Variants in TMEM132D observed in about 807,000 individuals in gnomAD.
TMEM132D encodes the protein mature OL transmembrane protein.
Under a neutral mutation model 62.3 loss-of-function variants are expected in TMEM132D, and 21 were observed. That is an observed-to-expected ratio of 0.34 (90% confidence interval 0.24 to 0.49). The LOEUF (loss-of-function observed/expected upper bound fraction) is 0.49. Among genes scored for constraint, TMEM132D ranks in the 20% least tolerant of loss-of-function variants. The pLI is 0.99. For missense variants in TMEM132D, 1,346 were observed against 1,402.8 expected (o/e 0.96, Z 0.65); for synonymous variants, 621 against 575.6 (o/e 1.08, Z -1.13).
chr12:129,824,006 C>G (rs1415173804), intron 1 of TMEM132D, among the ~76,000 whole-genome samples: 2 of 152,102 alleles, frequency 1.3e-5, no homozygotes, highest in Non-Finnish European at 2.9e-5. Context: ...GAAGTCATCC[C>G]ATCCTATGAC....
intron 5 of TMEM132D, among the ~76,000 whole-genome samples, chr12:129,165,285 G>C (rs1463811555): frequency 6.6e-6 from 1 of 152,146 alleles, no homozygotes; most frequent in Non-Finnish European, 1.5e-5. Flanking sequence ...ATGACTGTTT[G>C]GGTTGCAAAG....
At chr12:129,112,736 C>T (rs1415588205) in intron 5 of TMEM132D, among the ~76,000 whole-genome samples, 1 of 152,206 alleles carries the variant, frequency 6.6e-6, no homozygotes, top group Non-Finnish European at 1.5e-5. Flanking sequence ...ACTAGGAGTG[C>T]TCAGAAGCCA....
chr12:129,325,378 G>A (rs532364928), intron 4 of TMEM132D, among the ~76,000 whole-genome samples: 1 of 152,276 alleles, frequency 6.6e-6, no homozygotes, highest in South Asian at 2.1e-4. Context: ...TTACTGTTGA[G>A]GCTGGATTTT....
At chr12:129,573,111 G>A (rs1386091524) in intron 2 of TMEM132D, among the ~76,000 whole-genome samples, 3 of 152,182 alleles carry the variant, frequency 2.0e-5, no homozygotes, top group Non-Finnish European at 4.4e-5. Flanking sequence ...GTGTCGTGGT[G>A]CTAGGTGACT....
intron 1 of TMEM132D, among the ~76,000 whole-genome samples, chr12:129,734,614 T>G (rs1366507603): frequency 1.3e-5 from 2 of 152,118 alleles, no homozygotes; most frequent in Non-Finnish European, 2.9e-5. Context: ...CCAACTGAGG[T>G]CTTATATTAG....
At chr12:129,209,708 G>T (rs74569482) in intron 4 of TMEM132D, 45 bp from the exon 5 acceptor site, 2 of 1,608,628 alleles carry the variant, frequency 1.2e-6, no homozygotes, top group African/African-American at 2.7e-5. Flanking sequence ...CTCCTGAGAC[G>T]GCCCAGTCCC....
At chr12:129,559,546 T>C (rs1461244580) in intron 2 of TMEM132D, among the ~76,000 whole-genome samples, 1 of 152,210 alleles carries the variant, frequency 6.6e-6, no homozygotes, top group African/African-American at 2.4e-5. Context: ...TGTAATATTT[T>C]ACGTGTGTGA....
At chr12:129,214,551 A>C (rs559170913) in intron 4 of TMEM132D, among the ~76,000 whole-genome samples, 2 of 152,316 alleles carry the variant, frequency 1.3e-5, no homozygotes, top group Admixed American at 1.3e-4. Flanking sequence ...GCCTGAATAA[A>C]ATGACTATAG....
At position 129,409,863 on chromosome 12, in the gene TMEM132D, C is replaced by A. The variant is rs1002325; in HGVS notation, c.1116-72046G>T. On this transcript the variant is annotated intron_variant, in intron 3 of 8. Transcript: ENST00000422113. ...GCTGCATCATGCTTGCATGAGAAAG[C>A]TGTTCCATGTCTGCACACGTGCAGA... is the stretch of plus-strand genomic sequence containing the variant. Among the ~76,000 whole-genome samples, 980 of 152,348 alleles carry A rather than the reference C, an allele frequency of 6.4e-3. 56 individuals carry two copies. In the South Asian group the frequency reaches 0.13, roughly 21 times the overall value.
chr12:129,076,441 A>G (rs576736536), intron 8 of TMEM132D, among the ~76,000 whole-genome samples: 1 of 152,194 alleles, frequency 6.6e-6, no homozygotes, highest in East Asian at 1.9e-4. Context: ...GCCCCTGACC[A>G]TGACAGAAGT....
At chr12:129,515,534 T>G (rs576468262) in intron 3 of TMEM132D, among the ~76,000 whole-genome samples, 4 of 152,246 alleles carry the variant, frequency 2.6e-5, no homozygotes, top group African/African-American at 4.8e-5. Context: ...CTTTGGCGAT[T>G]GGGAATACTG....
intron 1 of TMEM132D, among the ~76,000 whole-genome samples, chr12:129,729,576 A>C (rs1869154290): frequency 6.6e-6 from 1 of 152,054 alleles, no homozygotes; most frequent in Non-Finnish European, 1.5e-5. Context: ...TCCAGCTCTG[A>C]GTCTGCGACA....
At chr12:129,150,761 T>G (rs1226045273) in intron 5 of TMEM132D, among the ~76,000 whole-genome samples, 1 of 152,262 alleles carries the variant, frequency 6.6e-6, no homozygotes, top group African/African-American at 2.4e-5. Context: ...TCTTCACTTC[T>G]TTCGTTCAGT....
rs1565972138 is a variant in TMEM132D, at chr12:129,125,499, A to ATTT, written c.1444-40798_1444-40797insAAA. Among the ~76,000 whole-genome samples, 27 of 127,808 alleles carry ATTT rather than the reference A, an allele frequency of 2.1e-4. 6 individuals are homozygous for ATTT. Among genetic ancestry groups the ATTT allele is most frequent in the Admixed American group, 4.9e-4 (6 of 12,152 alleles). The allele number at this position is 127,808 out of a possible 152,430, so 83.8% of individuals were successfully genotyped here. On this transcript the variant is annotated intron_variant, in intron 5 of 8. Coordinates refer to ENST00000422113, the MANE Select transcript of TMEM132D (RefSeq NM_133448.3). Reference sequence around the variant, plus strand: ...GATGTGACGATGTCGAATTACTATGAGTTTTTTTTTTTTTTTTTTTTTTGA... The same window carrying ATTT: ...GATGTGACGATGTCGAATTACTATGATTTGTTTTTTTTTTTTTTTTTTTTTTGA...
Position 129,074,738 on chromosome 12 carries a change from C to T in TMEM132D, c.2437G>A (p.Gly813Arg), listed in dbSNP as rs2135604466. ...NPNTSDSRHT[G>R]AGVHMENNVS... ...TTGTTTTCCATGTGAACCCCTGCCC[C>T]TGTGTGTCTGCTGTCACTGGTGTTG... Residue 813 changes from glycine (G) to arginine (R), a missense_variant, in exon 9 of 9, where the codon GGG becomes AGG. By Grantham distance (125) the Gly-to-Arg change is moderately radical. Transcript: ENST00000422113. 1.2e-6 allele frequency: 2 copies of T among 1,614,152 alleles called. No homozygotes were observed. The highest frequency in any genetic ancestry group is 1.7e-6 in the Non-Finnish European group (2 of 1,180,028).
At chr12:129,125,834 G>A (rs1308166481) in intron 5 of TMEM132D, among the ~76,000 whole-genome samples, 5 of 152,102 alleles carry the variant, frequency 3.3e-5, no homozygotes, top group Admixed American at 2.6e-4. Context: ...CCAGTCATGC[G>A]GAGCCTGCAA....
intron 1 of TMEM132D, among the ~76,000 whole-genome samples, chr12:129,845,825 C>T (rs954839256): frequency 6.6e-6 from 1 of 152,216 alleles, no homozygotes; most frequent in East Asian, 1.9e-4. Flanking sequence ...CAGCAGAGGT[C>T]CTGCCCCTGG....
rs138841110 is a variant in TMEM132D at position 129,674,613 on chromosome 12, G to C, written c.968+25197C>G. On this transcript the variant is annotated intron_variant, in intron 2 of 8. Transcript: ENST00000422113. ...GAAGTGCAATGGCACTATCTCGGCT[G>C]ACTGCAACCTCCGCCTCCCAGGTTC... 2.4e-3 allele frequency among the ~76,000 whole-genome samples: 365 copies of C among 152,248 alleles called. 3 individuals are homozygous for C. The highest frequency in any genetic ancestry group is 8.3e-3 in the African/African-American group (346 of 41,556).
chr12:129,710,559 G>A (rs781411324), intron 1 of TMEM132D, among the ~76,000 whole-genome samples: 1 of 152,238 alleles, frequency 6.6e-6, no homozygotes. Context: ...GGCTTCCTAA[G>A]CTGCTGGGAT....
Sources: gnomAD v4.1 joint callset for allele counts (sites outside exome capture counted in the v4.1 genomes callset) on GRCh38, gnomAD v4.1.1 for gene constraint, MANE v1.5 for transcripts, NCBI Gene and HGNC (gene_info 2026-07-23, HGNC 2026-07-21) for gene names.